TMPRSS11E: variants seen among roughly 807,000 people sequenced by gnomAD.
TMPRSS11E encodes the protein transmembrane protease serine 11E.
TMPRSS11E carries 38 observed loss-of-function variants against 48.1 expected under a neutral mutation model. The observed-to-expected ratio is 0.79, with a 90% CI of 0.61 to 1.04. The LOEUF is 1.04. Ranked by LOEUF, TMPRSS11E falls within the 50% of genes least tolerant of loss-of-function variation. The pLI is 0.00. For missense variants in TMPRSS11E, 530 were observed against 510.8 expected, an observed-to-expected ratio of 1.04 and a Z score of -0.36; for synonymous variants, 158 against 171.9, an observed-to-expected ratio of 0.92 and a Z score of 0.63.
intron 9 of TMPRSS11E, among the ~76,000 whole-genome samples, chr4:68,488,075 C>T (rs1354066569): frequency 6.6e-6 from 1 of 151,692 alleles, no homozygotes; most frequent in Non-Finnish European, 1.5e-5. Flanking sequence ...TGTCCCTTTG[C>T]TCTACTGCTT....
intron 2 of TMPRSS11E, among the ~76,000 whole-genome samples, chr4:68,462,414 T>TC (rs1553915640): frequency 8.3e-6 from 1 of 120,870 alleles, no homozygotes; most frequent in African/African-American, 3.1e-5. Flanking sequence ...CCGTGTCTAC[T>TC]AAAAAAAAAA....
At chr4:68,477,293 A>C in intron 7 of TMPRSS11E, 76 bp from the exon 8 acceptor site, 1 of 1,393,734 alleles carries the variant, frequency 7.2e-7, no homozygotes. Flanking sequence ...ACACCTGTAG[A>C]CTAAATTATT....
At chr4:68,489,046 A>G (rs1729643104) in intron 9 of TMPRSS11E, among the ~76,000 whole-genome samples, 1 of 151,730 alleles carries the variant, frequency 6.6e-6, no homozygotes, top group Admixed American at 6.6e-5. Context: ...GTAAGAAGAC[A>G]CTCTTGCTTT....
At chr4:68,493,832 C>T (rs1047793881) in intron 9 of TMPRSS11E, among the ~76,000 whole-genome samples, 13 of 152,128 alleles carry the variant, frequency 8.5e-5, no homozygotes, top group African/African-American at 2.9e-4. Context: ...GTTTTTACCA[C>T]TTGCCTTGCT....
rs371120494 is a variant in TMPRSS11E at position 68,477,422 on chromosome 4, C to T, written c.761C>T (p.Ser254Leu). Residue 254 changes from serine (S) to leucine (L), a missense_variant, in exon 8 of 10, where the codon TCG becomes TTG. Physicochemically the swap from Ser to Leu is moderately radical, Grantham distance 145. Coordinates refer to ENST00000305363, the MANE Select transcript of TMPRSS11E (RefSeq NM_014058.4). ...TCCTTTGGAGTAACAATAAAACCTT[C>T]GAAAATGAAACGGGGTCTCCGGAGA... ...TASFGVTIKP[S>L]KMKRGLRRII... The T allele has an allele frequency of 2.5e-5, 40 of 1,613,878 alleles. No individual in the cohort carries two copies. The Admixed American group carries it at 3.8e-4, about 15-fold the overall frequency.
At chr4:68,465,737 C>G (rs768308487) in intron 2 of TMPRSS11E, among the ~76,000 whole-genome samples, 26 of 152,138 alleles carry the variant, frequency 1.7e-4, no homozygotes, top group Non-Finnish European at 2.9e-4. Flanking sequence ...GAGCCACAGT[C>G]TGCTTTCCTA....
chr4:68,496,694 C>T lies in TMPRSS11E; in HGVS notation c.1162C>T (p.Leu388Phe). ...VSSDARDIWY[L>F]AGIVSWGDEC... Reference sequence around the variant, plus strand: ...TTCAGATGCTAGAGATATCTGGTACCTTGCTGGAATAGTGAGCTGGGGAGA... The same window carrying T: ...TTCAGATGCTAGAGATATCTGGTACTTTGCTGGAATAGTGAGCTGGGGAGA... The change falls in exon 10 of 10, where the codon CTT (leucine) becomes TTT (phenylalanine). Residue 388 changes from leucine (L) to phenylalanine (F), a missense_variant. By Grantham distance (22) the Leu-to-Phe change is conservative. Transcript: ENST00000305363. 6.2e-7 allele frequency: 1 copy of T among 1,613,624 alleles called. No individual in the cohort carries two copies. The highest frequency in any genetic ancestry group is 8.5e-7 in the Non-Finnish European group (1 of 1,179,664).
rs140887931 is a variant in TMPRSS11E at position 68,482,341 on chromosome 4, C to T, written c.1110+3350C>T. Among the ~76,000 whole-genome samples the T allele has an allele frequency of 3.7e-3, 564 of 152,114 alleles. 7 individuals carry two copies. The highest frequency in any genetic ancestry group is 0.012 in the African/African-American group (506 of 41,482). ...TGAGATTTGGGCAGGGATAAATATC[C>T]AAATTATATCATTCTGCTCCTGGCC... On this transcript the variant is annotated intron_variant, in intron 9 of 9. Transcript: ENST00000305363.
chr4:68,492,694 C>A (rs778951203), intron 9 of TMPRSS11E, among the ~76,000 whole-genome samples: 4 of 152,084 alleles, frequency 2.6e-5, no homozygotes, highest in Non-Finnish European at 5.9e-5. Context: ...GAAACACACA[C>A]GAAATCTGTT....
At chr4:68,462,588 GA>G (rs11405512) in intron 2 of TMPRSS11E, among the ~76,000 whole-genome samples, 6 of 147,642 alleles carry the variant, frequency 4.1e-5, no homozygotes, top group East Asian at 4.0e-4. Context: ...GTCTCAAAAA[GA>G]AAAAAAAAAA....
intron 1 of TMPRSS11E, among the ~76,000 whole-genome samples, chr4:68,459,976 CT>C (rs540232381): frequency 6.6e-6 from 1 of 152,112 alleles, no homozygotes; most frequent in Non-Finnish European, 1.5e-5. Flanking sequence ...GTGGAGAAGA[CT>C]TTTTATATTG....
intron 9 of TMPRSS11E, among the ~76,000 whole-genome samples, chr4:68,492,379 A>AG (rs1189494222): frequency 6.6e-6 from 1 of 152,198 alleles, no homozygotes; most frequent in Non-Finnish European, 1.5e-5. Flanking sequence ...GCATATTCTT[A>AG]CCTGAGGTTG....
intron 6 of TMPRSS11E, among the ~76,000 whole-genome samples, chr4:68,475,265 C>T (rs1333310920): frequency 3.3e-5 from 5 of 152,014 alleles, no homozygotes; most frequent in South Asian, 2.1e-4. Flanking sequence ...TTACTGAAGA[C>T]ACATAGATAA....
intron 9 of TMPRSS11E, among the ~76,000 whole-genome samples, chr4:68,485,742 A>G (rs1285804669): frequency 6.6e-6 from 1 of 152,100 alleles, no homozygotes; most frequent in Admixed American, 6.5e-5. Context: ...TCTTCTTTAT[A>G]TATCTGGTAG....
In TMPRSS11E at chr4:68,474,712, G is replaced by A. The variant is rs764786514; in HGVS notation, c.491-11G>A. The A allele has an allele frequency of 1.9e-6, 3 of 1,606,532 alleles. No homozygotes were observed. The highest frequency in any genetic ancestry group is 1.7e-5 in the Admixed American group (1 of 58,518). ...TGTGCTGACCCTATTTGCCATTTCTGTGTGTTTCAGAAATCAACAAGACAG... is the reference window on the plus strand; with the variant it reads ...TGTGCTGACCCTATTTGCCATTTCTATGTGTTTCAGAAATCAACAAGACAG... On this transcript the variant is annotated splice_polypyrimidine_tract_variant and intron_variant, in intron 5 of 9. Transcript: ENST00000305363.
intron 2 of TMPRSS11E, among the ~76,000 whole-genome samples, chr4:68,466,087 G>T (rs1485463687): frequency 6.6e-6 from 1 of 152,126 alleles, no homozygotes; most frequent in African/African-American, 2.4e-5. Flanking sequence ...ATGCCAGGTG[G>T]CAACTTTAGC....
intron 9 of TMPRSS11E, among the ~76,000 whole-genome samples, chr4:68,494,338 G>A (rs1729811217): frequency 6.6e-6 from 1 of 152,082 alleles, no homozygotes; most frequent in South Asian, 2.1e-4. Flanking sequence ...AATGTTGCCT[G>A]GGTTTTTAAG....
At chr4:68,496,146 A>C (rs1272248015) in intron 9 of TMPRSS11E, among the ~76,000 whole-genome samples, 1 of 152,180 alleles carries the variant, frequency 6.6e-6, no homozygotes, top group East Asian at 1.9e-4. Flanking sequence ...GAGCATTTAC[A>C]GATAAATAAA....
rs933737031 is a variant in TMPRSS11E at position 68,496,226 on chromosome 4, G to GT, written c.1111-408dup. Among the ~76,000 whole-genome samples the GT allele has an allele frequency of 7.3e-5, 11 of 150,504 alleles. No homozygotes were observed. In the South Asian group the frequency reaches 1.5e-3, roughly 20 times the overall value. On this transcript the variant is annotated intron_variant, in intron 9 of 9. Transcript: ENST00000305363. ...ACCCTGGTGTCTGACTCTAATGTCT[G>GT]TTTTTTTTTGTTTGTTTGTTTTTTT...
Sources: gnomAD v4.1 joint callset for allele counts (sites outside exome capture counted in the v4.1 genomes callset) on GRCh38, gnomAD v4.1.1 for gene constraint, MANE v1.5 for transcripts, NCBI Gene and HGNC (gene_info 2026-07-23, HGNC 2026-07-21) for gene names.